The following HECW1 variants were observed in gnomAD, a reference collection of about 807,000 sequenced individuals.
HECW1 encodes the protein E3 ubiquitin-protein ligase HECW1.
HECW1 carries 61 observed loss-of-function variants against 182.3 expected under a neutral mutation model. That is an observed-to-expected ratio of 0.33 (90% CI 0.27 to 0.41). HECW1 has a LOEUF of 0.41. Among genes scored for constraint, HECW1 ranks in the 10% least tolerant of loss-of-function variants. The probability of loss-of-function intolerance (pLI) is 1.00; values close to 1 mark genes in which losing one functional copy is unlikely to be tolerated. For synonymous variants in HECW1, 859 were observed against 832.6 expected (o/e 1.03, Z -0.55); for missense variants, 1,739 against 2,108.9 (o/e 0.82, Z 3.44).
At chr7:43,154,419 A>G (rs1789659704) in intron 2 of HECW1, among the ~76,000 whole-genome samples, 1 of 152,164 alleles carries the variant, frequency 6.6e-6, no homozygotes, top group Admixed American at 6.5e-5. Flanking sequence ...CAAAGACAAA[A>G]TAAATTATGG....
chr7:43,434,691 G>C (rs1345872819), intron 8 of HECW1, among the ~76,000 whole-genome samples: 1 of 152,176 alleles, frequency 6.6e-6, no homozygotes, highest in Non-Finnish European at 1.5e-5. Context: ...GGAGAAAAGG[G>C]CCTGGTGGGG....
At chr7:43,534,725 A>T (rs1024748320) in intron 24 of HECW1, among the ~76,000 whole-genome samples, 9 of 152,234 alleles carry the variant, frequency 5.9e-5, no homozygotes, top group African/African-American at 2.2e-4. Context: ...ACAAATCTTA[A>T]TTGAGACCTT....
In HECW1 at chr7:43,311,984, C is replaced by T. The variant is rs1196500101; in HGVS notation, c.249C>T (p.Val83=). The part of the protein sequence containing the change: ...VTSDSRSTLM[V]SSSYYSIGHS... ...CGGACAGCCGCTCCACGCTCATGGT[C>T]AGCAGCTCCTACTATTCCATCGGGC... The change falls in exon 4 of 30, where the codon GTC becomes GTT. Residue 83 remains valine (V), a synonymous_variant. Coordinates refer to ENST00000395891, the MANE Select transcript of HECW1 (RefSeq NM_015052.5). 1 of 1,614,264 alleles carries T rather than the reference C, an allele frequency of 6.2e-7. No individual in the cohort carries two copies. Among genetic ancestry groups the T allele is most frequent in the South Asian group, 1.1e-5 (1 of 91,080 alleles).
At chr7:43,122,410 G>A (rs1160863936) in intron 2 of HECW1, among the ~76,000 whole-genome samples, 1 of 152,076 alleles carries the variant, frequency 6.6e-6, no homozygotes, top group African/African-American at 2.4e-5. Flanking sequence ...CTAATTTTTA[G>A]GTCATCTGAA....
intron 17 of HECW1, among the ~76,000 whole-genome samples, chr7:43,480,644 T>A (rs939745048): frequency 7.7e-6 from 1 of 130,086 alleles, no homozygotes; most frequent in African/African-American, 3.0e-5. Context: ...TGTGTACATA[T>A]GTGTGTGTGT....
At chr7:43,116,130 C>T (rs1366216081) in intron 2 of HECW1, among the ~76,000 whole-genome samples, 2 of 152,026 alleles carry the variant, frequency 1.3e-5, no homozygotes, top group Non-Finnish European at 2.9e-5. Flanking sequence ...AAGGGGGAAC[C>T]GAGAGCCAGG....
chr7:43,246,441 C>T (rs1467918311), intron 3 of HECW1, among the ~76,000 whole-genome samples: 3 of 152,136 alleles, frequency 2.0e-5, no homozygotes, highest in African/African-American at 7.2e-5. Flanking sequence ...CTATAAACAC[C>T]GGTTCTCAAC....
intron 2 of HECW1, among the ~76,000 whole-genome samples, chr7:43,155,262 T>A (rs1194813894): frequency 6.6e-6 from 1 of 152,194 alleles, no homozygotes; most frequent in Non-Finnish European, 1.5e-5. Flanking sequence ...GCTATTAAAT[T>A]TAACAACTTT....
chr7:43,497,908 G>T (rs961741032), intron 19 of HECW1, among the ~76,000 whole-genome samples: 2 of 152,140 alleles, frequency 1.3e-5, no homozygotes, highest in Non-Finnish European at 2.9e-5. Context: ...TGAGTTTTGA[G>T]GTCTTTGAAG....
rs1382644560 is a variant in HECW1 at position 43,564,910 on chromosome 7, T to C, written c.*2984T>C. 5.4e-6 allele frequency: 1 copy of C among 185,436 alleles called. No individual in the cohort carries two copies. Among genetic ancestry groups the C allele is most frequent in the East Asian group, 8.7e-5 (1 of 11,476 alleles). The allele number at this position is 185,436 out of a possible 1,614,324, so 11.5% of individuals were successfully genotyped here. On this transcript the variant is annotated 3_prime_UTR_variant, in exon 30 of 30. Coordinates refer to ENST00000395891, the MANE Select transcript of HECW1 (RefSeq NM_015052.5). The stretch of plus-strand genomic sequence containing the variant: ...TTTTTTTAAGCATGAGTTTTCTCCA[T>C]GGAGGCAAATTGCAAAATTAATCAC...
intron 4 of HECW1, among the ~76,000 whole-genome samples, chr7:43,312,777 T>G (rs1808688616): frequency 6.6e-6 from 1 of 152,262 alleles, no homozygotes; most frequent in Admixed American, 6.5e-5. Context: ...TTGAAAATCT[T>G]ATAATTATGA....
intron 2 of HECW1, among the ~76,000 whole-genome samples, chr7:43,120,950 G>A (rs1178237072): frequency 6.6e-6 from 1 of 152,054 alleles, no homozygotes; most frequent in Non-Finnish European, 1.5e-5. Context: ...CCACGCCTGG[G>A]CAGATAAAAC....
chr7:43,437,014 C>T (rs962160237), intron 8 of HECW1, among the ~76,000 whole-genome samples: 6 of 152,050 alleles, frequency 3.9e-5, no homozygotes, highest in Admixed American at 3.3e-4. Context: ...TACAGATGCC[C>T]GCCACCATAA....
At chr7:43,373,407 C>G (rs575888838) in intron 6 of HECW1, among the ~76,000 whole-genome samples, 1 of 152,056 alleles carries the variant, frequency 6.6e-6, no homozygotes, top group African/African-American at 2.4e-5. Flanking sequence ...ATCCTCCTGC[C>G]TTGGCTTCCC....
chr7:43,521,528 T>C (rs2080473599), intron 24 of HECW1, among the ~76,000 whole-genome samples: 1 of 152,238 alleles, frequency 6.6e-6, no homozygotes, highest in South Asian at 2.1e-4. Context: ...TGAATATATG[T>C]GTTTTTCCAA....
intron 8 of HECW1, 78 bp from the exon 9 acceptor site, chr7:43,437,925 C>T: frequency 7.0e-7 from 1 of 1,426,326 alleles, no homozygotes; most frequent in Non-Finnish European, 9.8e-7. Context: ...ACAGTGACAG[C>T]ATCAAGGCAG....
intron 29 of HECW1, among the ~76,000 whole-genome samples, chr7:43,555,856 T>TAAGTC (rs2082000649): frequency 6.6e-6 from 1 of 152,258 alleles, no homozygotes; most frequent in South Asian, 2.1e-4. Flanking sequence ...CTAGTGAATG[T>TAAGTC]AAGTCTGGCA....
At chr7:43,382,436 C>G (rs2074595591) in intron 6 of HECW1, among the ~76,000 whole-genome samples, 1 of 152,220 alleles carries the variant, frequency 6.6e-6, no homozygotes, top group African/African-American at 2.4e-5. Context: ...GTTTTGTGAG[C>G]TTTTCTATAA....
At chr7:43,355,100 T>C (rs1377792743) in intron 5 of HECW1, among the ~76,000 whole-genome samples, 1 of 149,062 alleles carries the variant, frequency 6.7e-6, no homozygotes, top group Non-Finnish European at 1.5e-5. Flanking sequence ...AGAAAAGAGA[T>C]AAATTATTTC....
Sources: gnomAD v4.1 joint callset for allele counts (sites outside exome capture counted in the v4.1 genomes callset) on GRCh38, gnomAD v4.1.1 for gene constraint, MANE v1.5 for transcripts, NCBI Gene and HGNC (gene_info 2026-07-23, HGNC 2026-07-21) for gene names.